Variants in TUT4 observed in about 807,000 individuals in gnomAD.
The protein encoded by TUT4 is terminal uridylyl transferase 4.
In TUT4, 36 loss-of-function variants were observed where a neutral mutation model predicts 192.2. The observed-to-expected ratio is 0.19, with a 90% CI of 0.14 to 0.25. The LOEUF (loss-of-function observed/expected upper bound fraction) is 0.25. Ranked by LOEUF, TUT4 falls within the 10% of genes least tolerant of loss-of-function variation. TUT4 has a pLI of 1.00. For synonymous variants in TUT4, 618 were observed against 666.0 expected (o/e 0.93, Z 1.11); for missense variants, 1,493 against 1,957.2 (o/e 0.76, Z 4.47).
intron 1 of TUT4, among the ~76,000 whole-genome samples, chr1:52,550,272 T>C (rs1158903093): frequency 6.6e-6 from 1 of 152,136 alleles, no homozygotes; most frequent in Non-Finnish European, 1.5e-5. Context: ...AGTCTACATA[T>C]CCTGTTTTAA....
At chr1:52,444,054 G>A (rs1656581883) in intron 24 of TUT4, among the ~76,000 whole-genome samples, 5 of 152,124 alleles carry the variant, frequency 3.3e-5, no homozygotes, top group Admixed American at 3.3e-4. Flanking sequence ...TGGTCAACAT[G>A]GTGAAATCCC....
intron 1 of TUT4, among the ~76,000 whole-genome samples, chr1:52,530,781 T>C (rs973007466): frequency 7.2e-5 from 11 of 152,146 alleles, no homozygotes; most frequent in Admixed American, 1.3e-4. Context: ...GGTAGGCTGA[T>C]TGCTTGAGCT....
At chr1:52,516,884 T>C (rs997539203) in intron 2 of TUT4, among the ~76,000 whole-genome samples, 1 of 152,184 alleles carries the variant, frequency 6.6e-6, no homozygotes, top group African/African-American at 2.4e-5. Flanking sequence ...ACTTTAGATA[T>C]GGGAGCCAGA....
At chr1:52,537,881 A>G (rs181522162) in intron 1 of TUT4, among the ~76,000 whole-genome samples, 1 of 152,254 alleles carries the variant, frequency 6.6e-6, no homozygotes, top group East Asian at 1.9e-4. Context: ...ACTGCACTCC[A>G]GTCTGGGCAA....
rs995177860 is a variant in TUT4, at chr1:52,495,641, C to G, written c.1178-126G>C. ...TTCCATTTCTAGTAAGACAATTATA[C>G]AAGAAGAACACCCTTTCTAACTGAT... On this transcript the variant is annotated intron_variant, in intron 5 of 29. Transcript: ENST00000257177. 4.2e-5 allele frequency: 24 copies of G among 577,190 alleles called. No homozygotes were observed. In the East Asian group the frequency reaches 7.2e-4, roughly 17 times the overall value. The allele number at this position is 577,190 out of a possible 1,614,324, so 35.8% of individuals were successfully genotyped here.
At chr1:52,496,984 C>A in intron 5 of TUT4, 22 bp downstream of exon 5, 1 of 1,604,260 alleles carries the variant, frequency 6.2e-7, no homozygotes, top group South Asian at 1.1e-5. Flanking sequence ...TTTTCAAAAT[C>A]AAATATGAAA....
At chr1:52,463,731 C>A (rs1479311704) in intron 16 of TUT4, 1 of 1,304,242 alleles carries the variant, frequency 7.7e-7, no homozygotes, top group East Asian at 5.5e-5. Flanking sequence ...TCCAATCAGT[C>A]TTTTTCTTCC....
intron 7 of TUT4, among the ~76,000 whole-genome samples, chr1:52,493,370 A>G (rs2149109443): frequency 6.6e-6 from 1 of 151,922 alleles, no homozygotes; most frequent in Admixed American, 6.5e-5. Flanking sequence ...GGTGTGAGCC[A>G]CGGTGCCCAG....
At chr1:52,537,860 G>A (rs1173571309) in intron 1 of TUT4, among the ~76,000 whole-genome samples, 2 of 152,082 alleles carry the variant, frequency 1.3e-5, no homozygotes, top group African/African-American at 2.4e-5. Context: ...GCTGTGAGCT[G>A]AGATCGGGCC....
intron 28 of TUT4, among the ~76,000 whole-genome samples, chr1:52,426,057 A>T (rs901239183): frequency 6.6e-6 from 1 of 152,168 alleles, no homozygotes; most frequent in African/African-American, 2.4e-5. Context: ...ACATCATGCA[A>T]AGGAACTTAA....
chr1:52,468,143 C>A (rs372113409), intron 15 of TUT4, 38 bp downstream of exon 15: 1 of 1,472,832 alleles, frequency 6.8e-7, no homozygotes, highest in Admixed American at 1.9e-5. Flanking sequence ...TACATGACTA[C>A]AGCAAAAACG....
intron 16 of TUT4, chr1:52,462,175 CTT>C (rs1210058850): frequency 9.9e-5 from 12 of 121,080 alleles, no homozygotes; most frequent in East Asian, 2.4e-4. Flanking sequence ...GGATTCAAAT[CTT>C]TTTTTTTTTT....
chr1:52,509,198 C>A (rs904086082), intron 4 of TUT4, among the ~76,000 whole-genome samples: 1 of 152,188 alleles, frequency 6.6e-6, no homozygotes, highest in Non-Finnish European at 1.5e-5. Context: ...TTAGCACAAT[C>A]TTCCCCCCCT....
chr1:52,474,234 C>A (rs771718177), intron 13 of TUT4, among the ~76,000 whole-genome samples: 2 of 152,118 alleles, frequency 1.3e-5, no homozygotes, highest in Non-Finnish European at 2.9e-5. Context: ...TAAGTTCATA[C>A]TATCTTACTT....
chr1:52,503,682 T>C (rs1282165109), intron 4 of TUT4, among the ~76,000 whole-genome samples: 13 of 152,178 alleles, frequency 8.5e-5, no homozygotes, highest in Non-Finnish European at 1.9e-4. Flanking sequence ...GCATCCTGAG[T>C]AGCTGAGACT....
intron 11 of TUT4, among the ~76,000 whole-genome samples, chr1:52,481,099 C>G (rs1185912697): frequency 6.6e-6 from 1 of 152,186 alleles, no homozygotes; most frequent in Admixed American, 6.5e-5. Context: ...TATTTCTCCA[C>G]CCAATTGGCA....
intron 1 of TUT4, 101 bp from the exon 2 acceptor site, chr1:52,526,474 A>C (rs1681772805): frequency 2.6e-6 from 1 of 391,576 alleles, no homozygotes; most frequent in Non-Finnish European, 4.0e-6. Flanking sequence ...TGTTCTAAAA[A>C]CTGAAGAAAT....
intron 24 of TUT4, among the ~76,000 whole-genome samples, chr1:52,438,704 G>A (rs1224816196): frequency 6.6e-6 from 1 of 152,206 alleles, no homozygotes; most frequent in Non-Finnish European, 1.5e-5. Flanking sequence ...GTAGAGCTAA[G>A]TCTGTCTCAC....
intron 6 of TUT4, 149 bp from the exon 7 acceptor site, chr1:52,493,811 T>G: frequency 4.8e-6 from 3 of 624,480 alleles, no homozygotes; most frequent in Non-Finnish European, 8.4e-6. Flanking sequence ...TGTTTTTTTT[T>G]TGTTTTTTTT....
Sources: gnomAD v4.1 joint callset for allele counts (sites outside exome capture counted in the v4.1 genomes callset) on GRCh38, gnomAD v4.1.1 for gene constraint, MANE v1.5 for transcripts, NCBI Gene and HGNC (gene_info 2026-07-23, HGNC 2026-07-21) for gene names.